Variants in TENM1 observed in about 807,000 individuals in gnomAD.
The protein encoded by TENM1 is teneurin-1.
A neutral mutation model predicts 174.8 loss-of-function variants in TENM1; 35 were observed. The observed-to-expected ratio is 0.20, with a 90% CI of 0.15 to 0.27. The LOEUF (loss-of-function observed/expected upper bound fraction) is 0.27. TENM1 is among the 10% of genes least tolerant of loss of function. The probability of loss-of-function intolerance (pLI) is 1.00; values close to 1 mark genes in which losing one functional copy is unlikely to be tolerated. For missense variants in TENM1, 1,633 were observed against 2,130.1 expected, an observed-to-expected ratio of 0.77 and a Z score of 4.59; for synonymous variants, 781 against 798.7, an observed-to-expected ratio of 0.98 and a Z score of 0.37.
intron 1 of TENM1, among the ~76,000 whole-genome samples, chrX:124,956,603 T>C (rs2058577594): frequency 8.9e-6 from 1 of 112,327 alleles, no homozygotes; most frequent in Admixed American, 9.4e-5. Flanking sequence ...ATGTTACTAG[T>C]TGAAAGACAT....
intron 6 of TENM1, among the ~76,000 whole-genome samples, chrX:124,662,859 T>C (rs1231406517): frequency 1.8e-5 from 2 of 112,297 alleles, no homozygotes; most frequent in Non-Finnish European, 3.8e-5. Context: ...TGTATGTGTA[T>C]GTATGCATGT....
At chrX:124,580,943 T>C (rs141109008) in intron 11 of TENM1, among the ~76,000 whole-genome samples, 5 of 110,895 alleles carry the variant, frequency 4.5e-5, no homozygotes, top group Non-Finnish European at 7.5e-5. Context: ...TATTCAATGT[T>C]TGGCTCCCAC....
chrX:124,538,420 G>A (rs970389867), intron 15 of TENM1, among the ~76,000 whole-genome samples: 1 of 111,453 alleles, frequency 9.0e-6, no homozygotes, highest in Admixed American at 9.5e-5. Context: ...TTTTCCAAAC[G>A]TGAGCAGGTC....
At chrX:125,057,339 GATATATCT>G in the TENM1 span, among the ~76,000 whole-genome samples, 1 of 100,014 alleles carries the variant, frequency 1.0e-5, no homozygotes, top group African/African-American at 3.9e-5. Flanking sequence ...TGTTTGTAAT[GATATATCT>G]ATACATACAT....
chrX:124,800,281 C>T (rs1478746752), intron 3 of TENM1, among the ~76,000 whole-genome samples: 1 of 111,736 alleles, frequency 8.9e-6, no homozygotes, highest in East Asian at 2.8e-4. Context: ...AATTTCAGAA[C>T]TTTTTATTAG....
intron 3 of TENM1, among the ~76,000 whole-genome samples, chrX:124,797,671 C>T (rs1037634297): frequency 1.8e-5 from 2 of 108,217 alleles, no homozygotes; most frequent in Admixed American, 9.8e-5. Flanking sequence ...TAAAGTTAGC[C>T]GTAAAGGTTT....
intron 11 of TENM1, among the ~76,000 whole-genome samples, chrX:124,599,977 T>C (rs750213160): frequency 2.1e-4 from 23 of 110,192 alleles, no homozygotes; most frequent in Non-Finnish European, 3.8e-4. Flanking sequence ...AGATGATATA[T>C]AAATAGATAA....
At chrX:124,687,357 TG>T (rs1309251888) in intron 5 of TENM1, among the ~76,000 whole-genome samples, 1 of 111,605 alleles carries the variant, frequency 9.0e-6, no homozygotes, top group Non-Finnish European at 1.9e-5. Flanking sequence ...TAATGAATAG[TG>T]CTGGGAAAAC....
exon 19 of TENM1, chrX:124,503,642 G>A (rs139801441): frequency 2.0e-4 from 238 of 1,206,468 alleles, no homozygotes; most frequent in Non-Finnish European, 2.6e-4. Flanking sequence ...CTTGTAAAAC[G>A]ACTGTCCTTT....
chrX:124,693,780 G>A (rs964785065), intron 5 of TENM1, among the ~76,000 whole-genome samples: 6 of 109,998 alleles, frequency 5.5e-5, no homozygotes, highest in African/African-American at 2.0e-4. Context: ...CAAATGAAAT[G>A]ATTAATTCTT....
the TENM1 span, among the ~76,000 whole-genome samples, chrX:125,187,268 AAG>A: frequency 8.9e-6 from 1 of 112,287 alleles, no homozygotes; most frequent in African/African-American, 3.2e-5. Context: ...TCAAAAACAA[AAG>A]AGAAAAAAGT....
At chrX:124,532,975 A>G (rs2048138658) in intron 15 of TENM1, among the ~76,000 whole-genome samples, 1 of 112,284 alleles carries the variant, frequency 8.9e-6, no homozygotes, top group East Asian at 2.8e-4. Context: ...ATTTCAGGAC[A>G]GTATTAAAGT....
At position 124,453,508 on chromosome X, in the gene TENM1, AATG is replaced by A. The variant is rs778522994; in HGVS notation, c.3950-20_3950-18del. ...CTGTGATGCCTGTTGGGAAAGAGCA[AATG>A]AGCATTAGTAGTCTAGTGAACCACA... On this transcript the variant is annotated intron_variant, in intron 22 of 31. Coordinates refer to ENST00000422452, the Ensembl canonical transcript of TENM1. 6.9e-5 allele frequency: 83 copies of A among 1,196,170 alleles called. No homozygotes were observed. The highest frequency in any genetic ancestry group is 9.1e-5 in the Non-Finnish European group (81 of 886,513).
chrX:124,380,635 G>A (rs922656785), exon 32 of TENM1: 69 of 1,209,471 alleles, frequency 5.7e-5, no homozygotes, highest in Middle Eastern at 2.3e-4. Flanking sequence ...AATACCCATC[G>A]TAACCTTGTA....
At chrX:124,779,921 AC>A (rs904035829) in intron 3 of TENM1, among the ~76,000 whole-genome samples, 1 of 112,000 alleles carries the variant, frequency 8.9e-6, no homozygotes, top group African/African-American at 3.2e-5. Context: ...CAAATTGGGA[AC>A]TAACCTTAAG....
At chrX:124,890,920 G>A (rs905401527) in intron 3 of TENM1, among the ~76,000 whole-genome samples, 20 of 111,801 alleles carry the variant, frequency 1.8e-4, no homozygotes, top group African/African-American at 5.9e-4. Flanking sequence ...CAGATGAATA[G>A]ATAAAGAAAA....
At chrX:125,131,744 A>C in the TENM1 span, among the ~76,000 whole-genome samples, 1 of 112,056 alleles carries the variant, frequency 8.9e-6, no homozygotes. Context: ...AATTTAGCTC[A>C]ATCTGGGTTA....
chrX:124,769,264 C>A (rs1030574269), intron 3 of TENM1, among the ~76,000 whole-genome samples: 1 of 111,339 alleles, frequency 9.0e-6, no homozygotes, highest in African/African-American at 3.3e-5. Flanking sequence ...AAGCTTTATG[C>A]TTCTATGGGG....
At chrX:125,009,360 C>A in the TENM1 span, among the ~76,000 whole-genome samples, 1 of 111,390 alleles carries the variant, frequency 9.0e-6, no homozygotes. Context: ...CTGAATAGAC[C>A]AATATCAAGT....
Sources: gnomAD v4.1 joint callset for allele counts (sites outside exome capture counted in the v4.1 genomes callset) on GRCh38, gnomAD v4.1.1 for gene constraint, MANE v1.5 for transcripts, NCBI Gene and HGNC (gene_info 2026-07-23, HGNC 2026-07-21) for gene names.